Variants in LSAMP observed in about 807,000 individuals in gnomAD.
LSAMP encodes limbic system-associated membrane protein.
A neutral mutation model predicts 38.6 loss-of-function variants in LSAMP; 7 were observed. That is an observed-to-expected ratio of 0.18 (90% CI 0.10 to 0.34). The LOEUF is 0.34. Among genes scored for constraint, LSAMP ranks in the 10% least tolerant of loss-of-function variants. The probability of loss-of-function intolerance (pLI) is 1.00; values close to 1 mark genes in which losing one functional copy is unlikely to be tolerated. For missense variants in LSAMP, 313 were observed against 420.0 expected, an observed-to-expected ratio of 0.75 and a Z score of 2.23; for synonymous variants, 154 against 166.8, an observed-to-expected ratio of 0.92 and a Z score of 0.59.
rs1361091232 is a variant in LSAMP at position 115,854,249 on chromosome 3, A to ATT, written c.515-1633_515-1632insAA. On this transcript the variant is annotated intron_variant, in intron 3 of 6. Coordinates refer to ENST00000490035, the MANE Select transcript of LSAMP (RefSeq NM_002338.5). ...AGAATTAGTCTATAGCATATAGTTA[A>ATT]ATATTATTATTATTATTATTATTAT... is the stretch of plus-strand genomic sequence containing the variant. 2.1e-5 allele frequency among the ~76,000 whole-genome samples: 3 copies of ATT among 140,516 alleles called. No homozygotes were observed. The Admixed American group carries it at 2.3e-4, about 11-fold the overall frequency. The allele number at this position is 140,516 out of a possible 152,430, so 92.2% of individuals were successfully genotyped here.
chr3:116,038,370 T>C (rs1182785781), intron 2 of LSAMP, among the ~76,000 whole-genome samples: 1 of 152,122 alleles, frequency 6.6e-6, no homozygotes, highest in Non-Finnish European at 1.5e-5. Flanking sequence ...TTGAAATATT[T>C]CTCTGGAACA....
chr3:116,255,009 T>C (rs1315651245), intron 1 of LSAMP, among the ~76,000 whole-genome samples: 1 of 152,186 alleles, frequency 6.6e-6, no homozygotes, highest in Non-Finnish European at 1.5e-5. Flanking sequence ...TCTCTTTTGC[T>C]CTTTGGTCTT....
intron 1 of LSAMP, among the ~76,000 whole-genome samples, chr3:116,333,728 A>G (rs2047883731): frequency 6.6e-6 from 1 of 152,094 alleles, no homozygotes; most frequent in East Asian, 1.9e-4. Context: ...ATGAAAATAT[A>G]AATACAATAC....
At chr3:115,947,071 CAAA>C (rs1559892167) in intron 3 of LSAMP, among the ~76,000 whole-genome samples, 1 of 151,774 alleles carries the variant, frequency 6.6e-6, no homozygotes, top group Non-Finnish European at 1.5e-5. Context: ...TCTACAGATG[CAAA>C]ATAAGGATTT....
chr3:115,957,244 T>G (rs1296093806), intron 3 of LSAMP, among the ~76,000 whole-genome samples: 1 of 152,236 alleles, frequency 6.6e-6, no homozygotes, highest in Non-Finnish European at 1.5e-5. Context: ...CCCCTCTGAT[T>G]ATAGATGTAG....
chr3:116,168,011 T>C (rs1710102203), intron 1 of LSAMP, among the ~76,000 whole-genome samples: 1 of 152,128 alleles, frequency 6.6e-6, no homozygotes, highest in Non-Finnish European at 1.5e-5. Flanking sequence ...GAAAACCAAC[T>C]CTGTCCCAAC....
At chr3:116,020,607 G>A (rs1043765198) in intron 2 of LSAMP, among the ~76,000 whole-genome samples, 6 of 152,092 alleles carry the variant, frequency 3.9e-5, no homozygotes, top group African/African-American at 1.4e-4. Context: ...TTTTGGTGAC[G>A]TGAGAAATGA....
At chr3:116,078,948 T>G (rs2107404256) in intron 2 of LSAMP, among the ~76,000 whole-genome samples, 1 of 152,278 alleles carries the variant, frequency 6.6e-6, no homozygotes, top group African/African-American at 2.4e-5. Flanking sequence ...GAATTGCTAC[T>G]GGGGTGTCTG....
intron 3 of LSAMP, among the ~76,000 whole-genome samples, chr3:115,869,308 CTG>C (rs968903418): frequency 1.8e-5 from 2 of 109,398 alleles, no homozygotes; most frequent in Admixed American, 2.1e-4. Flanking sequence ...GAGAGACTGA[CTG>C]AGAGAGAGAG....
At chr3:115,950,626 C>A (rs1335557462) in intron 3 of LSAMP, among the ~76,000 whole-genome samples, 2 of 151,908 alleles carry the variant, frequency 1.3e-5, no homozygotes, top group Non-Finnish European at 2.9e-5. Flanking sequence ...ATCCCATGTT[C>A]ATTGTTGGGT....
chr3:115,975,113 G>T (rs1039194800), intron 3 of LSAMP, among the ~76,000 whole-genome samples: 1 of 152,128 alleles, frequency 6.6e-6, no homozygotes, highest in Non-Finnish European at 1.5e-5. Context: ...AATACTTTGT[G>T]TGTGAGATGC....
chr3:116,056,553 C>T (rs1941493740), intron 2 of LSAMP, among the ~76,000 whole-genome samples: 1 of 152,126 alleles, frequency 6.6e-6, no homozygotes, highest in African/African-American at 2.4e-5. Flanking sequence ...ACCATATAGT[C>T]AGAAACACAT....
chr3:116,420,058 G>C (rs2049101081), intron 1 of LSAMP, among the ~76,000 whole-genome samples: 1 of 151,696 alleles, frequency 6.6e-6, no homozygotes, highest in African/African-American at 2.4e-5. Flanking sequence ...ATAGCTACCT[G>C]TGCCTAGCAC....
chr3:116,342,825 G>T (rs60202396), intron 1 of LSAMP, among the ~76,000 whole-genome samples: 3,958 of 152,184 alleles, frequency 0.026, 164 homozygotes, highest in African/African-American at 0.087. Flanking sequence ...TGGAAGCATA[G>T]ATGCAAGAGA....
At chr3:116,299,934 C>G (rs778548642) in intron 1 of LSAMP, among the ~76,000 whole-genome samples, 31 of 152,110 alleles carry the variant, frequency 2.0e-4, no homozygotes, top group Admixed American at 1.4e-3. Flanking sequence ...GGAAAATGAC[C>G]CACTTCTTGC....
At chr3:115,845,480 T>G (rs6799374) in intron 4 of LSAMP, among the ~76,000 whole-genome samples, 7,251 of 152,268 alleles carry the variant, frequency 0.048, 570 homozygotes, top group African/African-American at 0.16. Context: ...TTTTTCTGAT[T>G]GAAAAATTTG....
At chr3:116,317,948 CAACA>C in intron 1 of LSAMP, among the ~76,000 whole-genome samples, 1 of 151,428 alleles carries the variant, frequency 6.6e-6, no homozygotes, top group African/African-American at 2.4e-5. Flanking sequence ...CCAGCCTGGC[CAACA>C]TGGTGAAACC....
intron 1 of LSAMP, among the ~76,000 whole-genome samples, chr3:116,350,157 CG>C (rs1346838318): frequency 4.6e-5 from 7 of 151,914 alleles, no homozygotes; most frequent in Non-Finnish European, 1.0e-4. Context: ...AATGAGCCCA[CG>C]AATCAGAAGA....
At chr3:115,995,667 A>G (rs1037792247) in intron 3 of LSAMP, among the ~76,000 whole-genome samples, 2 of 152,242 alleles carry the variant, frequency 1.3e-5, no homozygotes, top group Non-Finnish European at 2.9e-5. Flanking sequence ...GAAAAATAAT[A>G]AAATGAGAAG....
Sources: gnomAD v4.1 joint callset for allele counts (sites outside exome capture counted in the v4.1 genomes callset) on GRCh38, gnomAD v4.1.1 for gene constraint, MANE v1.5 for transcripts, NCBI Gene and HGNC (gene_info 2026-07-23, HGNC 2026-07-21) for gene names.